Variants in ZFP1 observed in about 807,000 individuals in gnomAD.
The protein encoded by ZFP1 is zinc finger protein 1 homolog.
In ZFP1, 32 loss-of-function variants were observed where a neutral mutation model predicts 38.5. The ratio of observed to expected loss-of-function variants is 0.83; its 90% confidence interval spans 0.63 to 1.12. The LOEUF (loss-of-function observed/expected upper bound fraction) is 1.12, where lower values mean the gene tolerates loss of function less well. ZFP1 is among the 50% of genes most tolerant of loss of function. The pLI, the probability that ZFP1 is intolerant of heterozygous loss-of-function variation, is 0.00. For missense variants in ZFP1, 616 were observed against 480.8 expected (o/e 1.28, Z -2.63); for synonymous variants, 245 against 168.8 (o/e 1.45, Z -3.50).
chr16:75,143,851 G>T (rs2036914120), upstream of ZFP1, among the ~76,000 whole-genome samples: 1 of 151,166 alleles, frequency 6.6e-6, no homozygotes. Context: ...AGATGGTTTT[G>T]CCATGTTCCC....
Position 75,171,334 on chromosome 16 carries a change from ATAAC to A in ZFP1, c.*1002_*1005del, listed in dbSNP as rs1159107021. 2.0e-5 allele frequency: 3 copies of A among 152,222 alleles called. No homozygotes were observed. Among genetic ancestry groups the A allele is most frequent in the Non-Finnish European group, 4.4e-5 (3 of 68,042 alleles). 9.4% of individuals were successfully genotyped at this position (152,222 alleles called of 1,614,324 possible). On this transcript the variant is annotated 3_prime_UTR_variant, in exon 4 of 4. Coordinates refer to ENST00000570010, the MANE Select transcript of ZFP1 (RefSeq NM_153688.4). Reference sequence around the variant, plus strand: ...GACTTTAGAGGAAAAATTATTTTAAATAACTGTCAACTGTTTCATTGCTTTTTAA... The same window carrying A: ...GACTTTAGAGGAAAAATTATTTTAAATGTCAACTGTTTCATTGCTTTTTAA...
At chr16:75,156,410 T>A (rs920476963) in intron 2 of ZFP1, among the ~76,000 whole-genome samples, 1 of 152,136 alleles carries the variant, frequency 6.6e-6, no homozygotes, top group Non-Finnish European at 1.5e-5. Flanking sequence ...TGAGCCGAGA[T>A]CATGCTACTG....
rs375120475 is a variant in ZFP1 at position 75,151,537 on chromosome 16, C to G, written c.-43-1372C>G. Among the ~76,000 whole-genome samples the G allele has an allele frequency of 7.9e-5, 12 of 152,186 alleles. No homozygotes were observed. In the East Asian group the frequency reaches 2.3e-3, roughly 29 times the overall value. ...TTTAACAGAGTTTTTGGTTGTTACC[C>G]TAAAGTTTAGTGGAACTTTAAAGAT... On this transcript the variant is annotated intron_variant, in intron 1 of 3. Coordinates refer to ENST00000570010, the MANE Select transcript of ZFP1 (RefSeq NM_153688.4).
chr16:75,137,458 A>ATTT, the ZFP1 span, among the ~76,000 whole-genome samples: 7 of 34,848 alleles, frequency 2.0e-4, no homozygotes, highest in East Asian at 5.6e-4. Flanking sequence ...TACAAAAAAA[A>ATTT]TTCTTTTTTT....
chr16:75,158,853 G>T (rs1474176629), intron 2 of ZFP1, among the ~76,000 whole-genome samples: 2 of 149,920 alleles, frequency 1.3e-5, no homozygotes, highest in African/African-American at 4.9e-5. Context: ...TATAGGTACT[G>T]TCTACATCTG....
the ZFP1 span, among the ~76,000 whole-genome samples, chr16:75,130,748 C>G: frequency 6.6e-6 from 1 of 151,982 alleles, no homozygotes; most frequent in Non-Finnish European, 1.5e-5. Flanking sequence ...TTGCCCTGTT[C>G]ATGCCTGCCT....
At chr16:75,136,122 A>C in the ZFP1 span, among the ~76,000 whole-genome samples, 1 of 152,130 alleles carries the variant, frequency 6.6e-6, no homozygotes, top group Non-Finnish European at 1.5e-5. Flanking sequence ...AGCTAAGGCA[A>C]ATTTTTAAAA....
intron 2 of ZFP1, among the ~76,000 whole-genome samples, chr16:75,154,075 T>G (rs576755378): frequency 1.3e-5 from 2 of 152,178 alleles, no homozygotes; most frequent in Admixed American, 6.5e-5. Context: ...GTACAAAAAA[T>G]TAGCCAGGCG....
At chr16:75,158,304 C>G (rs2037569708) in intron 2 of ZFP1, among the ~76,000 whole-genome samples, 1 of 151,078 alleles carries the variant, frequency 6.6e-6, no homozygotes, top group Admixed American at 6.6e-5. Context: ...ACTGCAGCCT[C>G]AAGTTCCTTG....
chr16:75,165,676 G>A (rs1486294693), intron 2 of ZFP1, among the ~76,000 whole-genome samples: 2 of 151,836 alleles, frequency 1.3e-5, no homozygotes, highest in Non-Finnish European at 2.9e-5. Flanking sequence ...CCTGAGCCTG[G>A]CCACCTCTGG....
intron 2 of ZFP1, among the ~76,000 whole-genome samples, chr16:75,165,274 T>G (rs1191438713): frequency 1.3e-5 from 2 of 152,224 alleles, no homozygotes; most frequent in Non-Finnish European, 2.9e-5. Context: ...AGAAAAAGTT[T>G]GTCAACCAAC....
At chr16:75,132,714 T>C in the ZFP1 span, 2 of 144,724 alleles carry the variant, frequency 1.4e-5, no homozygotes, top group African/African-American at 5.1e-5. Flanking sequence ...TGGAGTGCAG[T>C]GGCCCAATCT....
At chr16:75,141,566 A>G in the ZFP1 span, among the ~76,000 whole-genome samples, 2 of 151,912 alleles carry the variant, frequency 1.3e-5, no homozygotes, top group Admixed American at 6.6e-5. Context: ...AAAAAAATGC[A>G]CTTAGGGCAC....
the ZFP1 span, among the ~76,000 whole-genome samples, chr16:75,131,338 G>C: frequency 6.6e-6 from 1 of 152,092 alleles, no homozygotes; most frequent in Admixed American, 6.6e-5. Flanking sequence ...TTCCAGGTAG[G>C]TGAAAGAAAA....
At chr16:75,158,193 G>T (rs575655160) in intron 2 of ZFP1, among the ~76,000 whole-genome samples, 6 of 152,048 alleles carry the variant, frequency 3.9e-5, no homozygotes, top group Admixed American at 1.3e-4. Context: ...ATAGCTTGTA[G>T]TTTGGTCGTG....
At chr16:75,154,683 G>T (rs2037383668) in intron 2 of ZFP1, among the ~76,000 whole-genome samples, 1 of 151,920 alleles carries the variant, frequency 6.6e-6, no homozygotes, top group South Asian at 2.1e-4. Flanking sequence ...AGGGAGGGGG[G>T]CTCCAAAGCC....
Position 75,152,961 on chromosome 16 carries a change from T to G in ZFP1, c.10T>G (p.Ser4Ala). Residue 4 changes from serine to alanine, a missense_variant, in exon 2 of 4, where the codon TCC becomes GCC. Transcript: ENST00000570010. ...CCCAAAACTGCAGAAAATGAACAAA[T>G]CCCAGGTGAGTTGTTTGTTTATTCC... MNK[S>A]QGSVSFTDVT... 1 of 1,613,832 alleles carries G rather than the reference T, an allele frequency of 6.2e-7. No homozygotes were observed. Among genetic ancestry groups the G allele is most frequent in the South Asian group, 1.1e-5 (1 of 91,026 alleles).
At chr16:75,151,496 T>C (rs1172976308) in intron 1 of ZFP1, among the ~76,000 whole-genome samples, 1 of 152,184 alleles carries the variant, frequency 6.6e-6, no homozygotes, top group Non-Finnish European at 1.5e-5. Context: ...GTTGTCTTAT[T>C]GTATATTTGT....
chr16:75,150,665 G>T (rs1317040202), intron 1 of ZFP1, among the ~76,000 whole-genome samples: 2 of 152,154 alleles, frequency 1.3e-5, no homozygotes, highest in African/African-American at 4.8e-5. Flanking sequence ...CTGGTCTCAA[G>T]TGATCCGCTG....
Sources: gnomAD v4.1 joint callset for allele counts (sites outside exome capture counted in the v4.1 genomes callset) on GRCh38, gnomAD v4.1.1 for gene constraint, MANE v1.5 for transcripts, NCBI Gene and HGNC (gene_info 2026-07-23, HGNC 2026-07-21) for gene names.